The following ANO5 variants were observed in gnomAD, a reference collection of about 807,000 sequenced individuals.
ANO5 encodes anoctamin-5.
A neutral mutation model predicts 121.0 loss-of-function variants in ANO5; 109 were observed. That is an observed-to-expected ratio of 0.90 (90% confidence interval 0.77 to 1.06). The LOEUF (loss-of-function observed/expected upper bound fraction) is 1.06. Among genes scored for constraint, ANO5 ranks in the 50% least tolerant of loss-of-function variants. ANO5 has a pLI of 0.00. For synonymous variants in ANO5, 406 were observed against 359.9 expected, an observed-to-expected ratio of 1.13 and a Z score of -1.45; for missense variants, 1,064 against 1,078.5, an observed-to-expected ratio of 0.99 and a Z score of 0.19.
At chr11:22,269,290 AG>A in intron 17 of ANO5, among the ~76,000 whole-genome samples, 1 of 54,134 alleles carries the variant, frequency 1.8e-5, no homozygotes, top group African/African-American at 1.0e-4. Flanking sequence ...AGAGAAGGGA[AG>A]AAGGAAAGAA....
At chr11:22,271,257 T>C (rs761740393) in intron 18 of ANO5, among the ~76,000 whole-genome samples, 1 of 152,144 alleles carries the variant, frequency 6.6e-6, no homozygotes, top group African/African-American at 2.4e-5. Flanking sequence ...GGTTTCACCA[T>C]GTTGATGGCC....
In ANO5 at chr11:22,250,191, A is replaced by G. The variant is rs377185438; in HGVS notation, c.879-46A>G. The G allele has an allele frequency of 3.9e-5, 59 of 1,520,332 alleles. No homozygotes were observed. In the African/African-American group the frequency reaches 6.6e-4, roughly 17 times the overall value. The allele number at this position is 1,520,332 out of a possible 1,614,324, so 94.2% of individuals were successfully genotyped here. A position where few individuals can be genotyped will look rare whatever the true frequency, so the allele number is the denominator to read the frequency against. ...GAATACAAAATCAAGGCTCCAGACT[A>G]TAACATTCTTCCATATTCTGATTCT... is the stretch of plus-strand genomic sequence containing the variant. On this transcript the variant is annotated intron_variant, in intron 9 of 21. Transcript: ENST00000324559.
intron 3 of ANO5, among the ~76,000 whole-genome samples, chr11:22,212,145 C>T (rs77879479): frequency 0.011 from 1,674 of 151,718 alleles, 43 homozygotes; most frequent in African/African-American, 0.038. Context: ...AAAACATTTA[C>T]GAAAATATTT....
intron 9 of ANO5, 61 bp downstream of exon 9, chr11:22,239,745 T>G: frequency 7.6e-7 from 1 of 1,319,036 alleles, no homozygotes; most frequent in South Asian, 1.2e-5. Flanking sequence ...TTATTCACAA[T>G]GGCATAATAT....
intron 20 of ANO5, 29 bp downstream of exon 20, chr11:22,274,776 T>G: frequency 6.2e-7 from 1 of 1,609,872 alleles, no homozygotes; most frequent in Non-Finnish European, 8.5e-7. Flanking sequence ...TGTTTAGGTT[T>G]TAGTTTTATC....
intron 1 of ANO5, among the ~76,000 whole-genome samples, chr11:22,199,895 A>C (rs1564907752): frequency 6.6e-6 from 1 of 152,164 alleles, no homozygotes. Context: ...TAGGTTCTTT[A>C]AAGTTAGATA....
At chr11:22,262,805 AACT>A in intron 16 of ANO5, 138 bp from the exon 17 acceptor site, 1 of 712,814 alleles carries the variant, frequency 1.4e-6, no homozygotes, top group Non-Finnish European at 2.5e-6. Context: ...TCAGGTTTGG[AACT>A]ATTGGGCTAA....
At chr11:22,233,471 A>G (rs769363624) in intron 7 of ANO5, among the ~76,000 whole-genome samples, 60 of 152,076 alleles carry the variant, frequency 3.9e-4, no homozygotes, top group Non-Finnish European at 7.4e-4. Flanking sequence ...GTAAGTGATC[A>G]TAGCAGCCAT....
rs574916353 is a variant in ANO5, at chr11:22,220,696, G to T, written c.181-401G>T. On this transcript the variant is annotated intron_variant, in intron 4 of 21. Transcript: ENST00000324559. Reference sequence around the variant, plus strand: ...TTAATCATAAGTTTATTTTCTTATAGTGAGACTCCATTAATTGGTCTGTAA... The same window carrying T: ...TTAATCATAAGTTTATTTTCTTATATTGAGACTCCATTAATTGGTCTGTAA... 3.0e-4 allele frequency among the ~76,000 whole-genome samples: 46 copies of T among 152,040 alleles called. 1 individual carries two copies. The highest frequency in any genetic ancestry group is 1.1e-3 in the African/African-American group (46 of 41,532).
chr11:22,241,075 T>C (rs765117399), intron 9 of ANO5, among the ~76,000 whole-genome samples: 2 of 152,010 alleles, frequency 1.3e-5, no homozygotes, highest in Middle Eastern at 6.8e-3. Flanking sequence ...GCATGTTTTT[T>C]GTGTGGGTAT....
At chr11:22,275,506 A>T (rs1377860103) in intron 20 of ANO5, among the ~76,000 whole-genome samples, 3 of 151,932 alleles carry the variant, frequency 2.0e-5, no homozygotes, top group Admixed American at 6.6e-5. Flanking sequence ...AGATTTCTGG[A>T]TGTCATTACC....
chr11:22,202,252 T>C (rs945263818), intron 1 of ANO5, among the ~76,000 whole-genome samples: 2 of 152,070 alleles, frequency 1.3e-5, no homozygotes, highest in African/African-American at 4.8e-5. Context: ...AATGTACAGA[T>C]CAAAACTCAA....
chr11:22,208,954 A>G lies in ANO5; in HGVS notation c.88-2310A>G, dbSNP rs534191726. On this transcript the variant is annotated intron_variant, in intron 2 of 21. Coordinates refer to ENST00000324559, the MANE Select transcript of ANO5 (RefSeq NM_213599.3). ...CCCATCTATGGGCAGGAGGCAGGCA[A>G]TTTTCAAAAAAAATAAGTATTATAG... is the stretch of plus-strand genomic sequence containing the variant. Among the ~76,000 whole-genome samples, 4 of 152,012 alleles carry G rather than the reference A, an allele frequency of 2.6e-5. No homozygotes were observed. In the East Asian group the frequency reaches 7.8e-4, roughly 29 times the overall value.
At position 22,272,893 on chromosome 11, in the gene ANO5, C is replaced by T. The variant is rs767479331; in HGVS notation, c.2139C>T (p.Thr713=). 4 of 1,613,876 alleles carry T rather than the reference C, an allele frequency of 2.5e-6. No homozygotes were observed. The highest frequency in any genetic ancestry group is 4.5e-5 in the East Asian group (2 of 44,882). Residue 713 remains threonine, a synonymous_variant, in exon 19 of 22, where the codon ACC becomes ACT. Transcript: ENST00000324559. ...TTCGAGTGGATGCCTGGAAACTTACCACTCAATACAGGAGAACTGTAGCTT... is the reference window on the plus strand; with the variant it reads ...TTCGAGTGGATGCCTGGAAACTTACTACTCAATACAGGAGAACTGTAGCTT... ...VEIRVDAWKL[T]TQYRRTVASK...
intron 2 of ANO5, among the ~76,000 whole-genome samples, chr11:22,204,231 G>C (rs1235792584): frequency 6.6e-6 from 1 of 151,998 alleles, no homozygotes; most frequent in Non-Finnish European, 1.5e-5. Context: ...GACTATACTG[G>C]AGTTCAACCT....
rs1373504299 is a variant in ANO5 at position 22,281,771 on chromosome 11, T to C, written c.*2006T>C. ...AACAAATTTAATTCACAAAGTTATCTGTACACTGCAGTTTTAAAATATACC... is the reference window on the plus strand; with the variant it reads ...AACAAATTTAATTCACAAAGTTATCCGTACACTGCAGTTTTAAAATATACC... On this transcript the variant is annotated 3_prime_UTR_variant, in exon 22 of 22. Transcript: ENST00000324559. The C allele has an allele frequency of 1.3e-5, 2 of 152,122 alleles. No homozygotes were observed. The highest frequency in any genetic ancestry group is 2.9e-5 in the Non-Finnish European group (2 of 67,958). 9.4% of individuals were successfully genotyped at this position (152,122 alleles called of 1,614,324 possible). A position where few individuals can be genotyped will look rare whatever the true frequency, so the allele number is the denominator to read the frequency against.
intron 7 of ANO5, among the ~76,000 whole-genome samples, chr11:22,230,845 C>T (rs1328834192): frequency 6.6e-6 from 1 of 152,004 alleles, no homozygotes; most frequent in Non-Finnish European, 1.5e-5. Flanking sequence ...TAGGTTCTAT[C>T]AGTTTAACTC....
Position 22,282,663 on chromosome 11 carries a change from G to A in ANO5, c.*2898G>A, listed in dbSNP as rs1014572288. ...CTCTTAAAAAAGACACCTAATGAAAGTGAGAGAAAAGCTAAAGAAAATTTC... is the reference window on the plus strand; with the variant it reads ...CTCTTAAAAAAGACACCTAATGAAAATGAGAGAAAAGCTAAAGAAAATTTC... On this transcript the variant is annotated 3_prime_UTR_variant, in exon 22 of 22. Transcript: ENST00000324559. 6.6e-6 allele frequency: 1 copy of A among 152,116 alleles called. No homozygotes were observed. Among genetic ancestry groups the A allele is most frequent in the African/African-American group, 2.4e-5 (1 of 41,430 alleles). 9.4% of individuals were successfully genotyped at this position (152,116 alleles called of 1,614,324 possible). A position where few individuals can be genotyped will look rare whatever the true frequency, so the allele number is the denominator to read the frequency against.
intron 20 of ANO5, among the ~76,000 whole-genome samples, chr11:22,275,123 T>G (rs770820328): frequency 6.6e-6 from 1 of 151,968 alleles, no homozygotes; most frequent in Non-Finnish European, 1.5e-5. Context: ...TACATTTAAC[T>G]TACTTGAATT....
Sources: allele counts gnomAD v4.1 joint callset (sites outside exome capture counted in the v4.1 genomes callset), GRCh38; gene constraint gnomAD v4.1.1; transcripts MANE v1.5; gene names NCBI Gene and HGNC (gene_info 2026-07-23, HGNC 2026-07-21).